The following TPBG variants were observed in gnomAD, a reference collection of about 807,000 sequenced individuals.
TPBG encodes 5T4 oncofetal antigen.
TPBG carries 13 observed loss-of-function variants against 19.3 expected under a neutral mutation model. The ratio of observed to expected loss-of-function variants is 0.67; its 90% confidence interval spans 0.44 to 1.07. The LOEUF is 1.07. TPBG is among the 50% of genes least tolerant of loss of function. The probability of loss-of-function intolerance (pLI) is 0.00; values close to 1 mark genes in which losing one functional copy is unlikely to be tolerated. For synonymous variants in TPBG, 338 were observed against 259.8 expected, an observed-to-expected ratio of 1.30 and a Z score of -2.89; for missense variants, 642 against 559.6, an observed-to-expected ratio of 1.15 and a Z score of -1.49.
Position 82,366,750 on chromosome 6 carries a change from C to A in TPBG, c.*526C>A, listed in dbSNP as rs1767514665. 1 of 167,214 alleles carries A rather than the reference C, an allele frequency of 6.0e-6. No homozygotes were observed. Among genetic ancestry groups the A allele is most frequent in the Non-Finnish European group, 1.5e-5 (1 of 68,220 alleles). The allele number at this position is 167,214 out of a possible 1,614,324, so 10.4% of individuals were successfully genotyped here. ...GCACCTGCATCCAAGAGCATGCTTA[C>A]ATTTTACTGTTCTGCATATTACAAA... is the stretch of plus-strand genomic sequence containing the variant. On this transcript the variant is annotated 3_prime_UTR_variant, in exon 2 of 2. Transcript: ENST00000369750.
chr6:82,363,937 G>C (rs567773533), intron 1 of TPBG, 29 bp downstream of exon 1: 38 of 152,914 alleles, frequency 2.5e-4, no homozygotes, highest in Admixed American at 9.1e-4. Context: ...CGGCCTGGGA[G>C]AGACCCGGGA....
At position 82,365,116 on chromosome 6, in the gene TPBG, T is replaced by G; in HGVS notation, c.155T>G (p.Val52Gly). ...TCGGCGCCGTTCCTGGCTTCCGCCG[T>G]GTCCGCCCAGCCCCCGCTGCCGGAC... The part of the protein sequence containing the change: ...SSSAPFLASA[V>G]SAQPPLPDQC... Residue 52 changes from valine to glycine, a missense_variant, in exon 2 of 2, where the codon GTG (valine) becomes GGG (glycine). Val to Gly is a moderately radical substitution (Grantham distance 109). Coordinates refer to ENST00000369750, the MANE Select transcript of TPBG (RefSeq NM_001376922.1). 1.3e-6 allele frequency: 2 copies of G among 1,593,772 alleles called. No homozygotes were observed. The highest frequency in any genetic ancestry group is 1.7e-6 in the Non-Finnish European group (2 of 1,170,752).
rs780830527 is a variant in TPBG at position 82,365,610 on chromosome 6, C to T, written c.649C>T (p.Leu217=). 1.8e-5 allele frequency: 29 copies of T among 1,602,482 alleles called. No homozygotes were observed. The East Asian group carries it at 5.4e-4, about 30-fold the overall frequency. Residue 217 remains leucine (L), a synonymous_variant, in exon 2 of 2, where the codon CTG becomes TTG. Coordinates refer to ENST00000369750, the MANE Select transcript of TPBG (RefSeq NM_001376922.1). ...RALQGLRRLE[L]ASNHFLYLPR... ...ACTGCAGGGGCTCCGCCGCTTGGAGCTGGCCAGCAACCACTTCCTTTACCT... is the reference window on the plus strand; with the variant it reads ...ACTGCAGGGGCTCCGCCGCTTGGAGTTGGCCAGCAACCACTTCCTTTACCT...
rs747515409 is a variant in TPBG at position 82,364,978 on chromosome 6, C to G, written c.17C>G (p.Ser6Cys). ...CGAGCCGCGATGCCTGGGGGGTGCT[C>G]CCGGGGCCCCGCCGCCGGGGACGGG... is the stretch of plus-strand genomic sequence containing the variant. The part of the protein sequence containing the change: MPGGC[S>C]RGPAAGDGRL... The change falls in exon 2 of 2, where the codon TCC becomes TGC. Residue 6 changes from serine (S) to cysteine (C), a missense_variant. By Grantham distance (112) the Ser-to-Cys change is moderately radical. Coordinates refer to ENST00000369750, the MANE Select transcript of TPBG (RefSeq NM_001376922.1). The G allele has an allele frequency of 2.4e-5, 37 of 1,515,860 alleles. 1 individual carries two copies. The South Asian group carries it at 4.5e-4, about 18-fold the overall frequency. The allele number at this position is 1,515,860 out of a possible 1,614,324, so 93.9% of individuals were successfully genotyped here. A position where few individuals can be genotyped will look rare whatever the true frequency, so the allele number is the denominator to read the frequency against.
Position 82,366,913 on chromosome 6 carries a change from A to G in TPBG, c.*689A>G, listed in dbSNP as rs1337908241. The G allele has an allele frequency of 6.0e-6, 1 of 166,628 alleles. No homozygotes were observed. Among genetic ancestry groups the G allele is most frequent in the Non-Finnish European group, 1.5e-5 (1 of 68,062 alleles). The allele number at this position is 166,628 out of a possible 1,614,324, so 10.3% of individuals were successfully genotyped here. ...CTGAATTGTTAAAAAAAAAAAAAAT[A>G]AAGATTCTTAAAAGAATTACAGTGT... is the stretch of plus-strand genomic sequence containing the variant. On this transcript the variant is annotated 3_prime_UTR_variant, in exon 2 of 2. Coordinates refer to ENST00000369750, the MANE Select transcript of TPBG (RefSeq NM_001376922.1).
At position 82,364,819 on chromosome 6, in the gene TPBG, C is replaced by A; in HGVS notation, c.-143C>A. The A allele has an allele frequency of 1.5e-6, 1 of 686,054 alleles. No individual in the cohort carries two copies. The highest frequency in any genetic ancestry group is 2.2e-6 in the Non-Finnish European group (1 of 459,556). The allele number at this position is 686,054 out of a possible 1,614,324, so 42.5% of individuals were successfully genotyped here. Reference sequence around the variant, plus strand: ...GGCGAGGGGGTTAGCCAAGTTCCGGCTGCGGCGCCACTCCCTCGGTTCCAC... The same window carrying A: ...GGCGAGGGGGTTAGCCAAGTTCCGGATGCGGCGCCACTCCCTCGGTTCCAC... On this transcript the variant is annotated 5_prime_UTR_variant, in exon 2 of 2. The change creates a new upstream start codon in the 5' untranslated region. Transcript: ENST00000369750.
Position 82,365,328 on chromosome 6 carries a change from C to T in TPBG, c.367C>T (p.Leu123Phe). The T allele has an allele frequency of 6.3e-7, 1 of 1,578,068 alleles. No individual in the cohort carries two copies. The highest frequency in any genetic ancestry group is 8.5e-7 in the Non-Finnish European group (1 of 1,169,990). The change falls in exon 2 of 2, where the codon CTC becomes TTC. Residue 123 changes from leucine to phenylalanine, a missense_variant. By Grantham distance (22) the Leu-to-Phe change is conservative. Transcript: ENST00000369750. ...RRPPLAELAA[L>F]NLSGSRLDEV... ...GCCGCCGCTGGCGGAGCTGGCCGCGCTCAACCTCAGCGGCAGCCGCCTGGA... is the reference window on the plus strand; with the variant it reads ...GCCGCCGCTGGCGGAGCTGGCCGCGTTCAACCTCAGCGGCAGCCGCCTGGA...
In TPBG at chr6:82,363,839, A is replaced by G. The variant is rs1767389172; in HGVS notation, c.-409A>G. The G allele has an allele frequency of 6.6e-6, 1 of 152,244 alleles. No individual in the cohort carries two copies. Among genetic ancestry groups the G allele is most frequent in the African/African-American group, 2.4e-5 (1 of 41,364 alleles). The allele number at this position is 152,244 out of a possible 1,614,324, so 9.4% of individuals were successfully genotyped here. A position where few individuals can be genotyped will look rare whatever the true frequency, so the allele number is the denominator to read the frequency against. ...GGTGCGAAGAGAGTCGGCGCCCGCA[A>G]CGCGGAGCCGGGAAGTCGTCGCTAC... On this transcript the variant is annotated 5_prime_UTR_variant, in exon 1 of 2. Coordinates refer to ENST00000369750, the MANE Select transcript of TPBG (RefSeq NM_001376922.1).
rs1767436749 is a variant in TPBG, at chr6:82,364,952, G to A, written c.-10G>A. The A allele has an allele frequency of 6.8e-7, 1 of 1,468,894 alleles. No homozygotes were observed. Among genetic ancestry groups the A allele is most frequent in the Non-Finnish European group, 9.0e-7 (1 of 1,115,050 alleles). The allele number at this position is 1,468,894 out of a possible 1,614,324, so 91.0% of individuals were successfully genotyped here. The stretch of plus-strand genomic sequence containing the variant: ...CGTCCCAGCCCAGCTCCGGGGAAAC[G>A]CGAGCCGCGATGCCTGGGGGGTGCT... On this transcript the variant is annotated 5_prime_UTR_variant, in exon 2 of 2. Transcript: ENST00000369750.
In TPBG at chr6:82,366,146, C is replaced by T. The variant is rs373826198; in HGVS notation, c.1185C>T (p.His395=). 6 of 1,613,832 alleles carry T rather than the reference C, an allele frequency of 3.7e-6. No homozygotes were observed. In the African/African-American group the frequency reaches 8.0e-5, roughly 22 times the overall value. The part of the protein sequence containing the change: ...MHNIRDACRD[H]MEGYHYRYEI... ...ACATCAGAGATGCCTGCAGGGATCACATGGAAGGGTATCATTACAGATATG... is the reference window on the plus strand; with the variant it reads ...ACATCAGAGATGCCTGCAGGGATCATATGGAAGGGTATCATTACAGATATG... Residue 395 remains histidine (H), a synonymous_variant, in exon 2 of 2, where the codon CAC becomes CAT. Transcript: ENST00000369750.
rs2127874162 is a variant in TPBG, at chr6:82,366,737, A to G, written c.*513A>G. 1 of 167,442 alleles carries G rather than the reference A, an allele frequency of 6.0e-6. No individual in the cohort carries two copies. The highest frequency in any genetic ancestry group is 1.5e-5 in the Non-Finnish European group (1 of 68,302). The allele number at this position is 167,442 out of a possible 1,614,324, so 10.4% of individuals were successfully genotyped here. On this transcript the variant is annotated 3_prime_UTR_variant, in exon 2 of 2. Transcript: ENST00000369750. ...ATGGTGCACAGGAGCACCTGCATCC[A>G]AGAGCATGCTTACATTTTACTGTTC...
Position 82,365,781 on chromosome 6 carries a change from C to A in TPBG, c.820C>A (p.His274Asn), listed in dbSNP as rs753517966. Residue 274 changes from histidine (H) to asparagine (N), a missense_variant, in exon 2 of 2, where the codon CAC becomes AAC. Physicochemically the swap from His to Asn is moderately conservative, Grantham distance 68 (BLOSUM62 1). Transcript: ENST00000369750. ...HLEDNALKVL[H>N]NGTLAELQGL... ...GGAGGACAATGCCCTCAAGGTCCTT[C>A]ACAATGGCACCCTGGCTGAGTTGCA... The A allele has an allele frequency of 6.2e-7, 1 of 1,614,200 alleles. No homozygotes were observed. Among genetic ancestry groups the A allele is most frequent in the South Asian group, 1.1e-5 (1 of 91,088 alleles).
In TPBG at chr6:82,364,806, A is replaced by T; in HGVS notation, c.-156A>T. The T allele has an allele frequency of 1.7e-6, 1 of 590,448 alleles. No individual in the cohort carries two copies. Among genetic ancestry groups the T allele is most frequent in the Non-Finnish European group, 2.7e-6 (1 of 374,520 alleles). 36.6% of individuals were successfully genotyped at this position (590,448 alleles called of 1,614,324 possible). The stretch of plus-strand genomic sequence containing the variant: ...GGAAGCGCCCGGTGGCGAGGGGGTT[A>T]GCCAAGTTCCGGCTGCGGCGCCACT... On this transcript the variant is annotated 5_prime_UTR_variant, in exon 2 of 2. Coordinates refer to ENST00000369750, the MANE Select transcript of TPBG (RefSeq NM_001376922.1).
Position 82,365,497 on chromosome 6 carries a change from T to C in TPBG, c.536T>C (p.Ile179Thr). Residue 179 changes from isoleucine (I) to threonine (T), a missense_variant, in exon 2 of 2, where the codon ATC (isoleucine) becomes ACC (threonine). Ile to Thr is a moderately conservative substitution (Grantham distance 89). Transcript: ENST00000369750. ...GCCCCCAGTCCCCTTGTGGAACTGA[T>C]CCTGAACCACATCGTGCCCCCTGAA... ...VSAPSPLVEL[I>T]LNHIVPPEDE... 6.3e-7 allele frequency: 1 copy of C among 1,596,082 alleles called. No homozygotes were observed. Among genetic ancestry groups the C allele is most frequent in the Non-Finnish European group, 8.5e-7 (1 of 1,173,166 alleles).
In TPBG at chr6:82,364,891, T is replaced by TCC. The variant is rs1767432776; in HGVS notation, c.-70_-69dup. On this transcript the variant is annotated 5_prime_UTR_variant, in exon 2 of 2. Transcript: ENST00000369750. Reference sequence around the variant, plus strand: ...CAGACGCTTCCGCCGGCTCGCGCCCTCCGGGCCCAGCCTCCCGAGCCTTCG... The same window carrying TCC: ...CAGACGCTTCCGCCGGCTCGCGCCCTCCCCGGGCCCAGCCTCCCGAGCCTTCG... 7.8e-7 allele frequency: 1 copy of TCC among 1,279,666 alleles called. No homozygotes were observed. 79.3% of individuals were successfully genotyped at this position (1,279,666 alleles called of 1,614,324 possible).
In TPBG at chr6:82,365,585, A is replaced by G; in HGVS notation, c.624A>G (p.Ala208=). 1.3e-6 allele frequency: 2 copies of G among 1,593,870 alleles called. No homozygotes were observed. Among genetic ancestry groups the G allele is most frequent in the Non-Finnish European group, 1.7e-6 (2 of 1,170,620 alleles). ...TGGCGGCCCTGCTGGCGGGCCGTGC[A>G]CTGCAGGGGCTCCGCCGCTTGGAGC... ...MVVAALLAGR[A]LQGLRRLELA... Residue 208 remains alanine (A), a synonymous_variant, in exon 2 of 2, where the codon GCA becomes GCG. Transcript: ENST00000369750.
At position 82,364,815 on chromosome 6, in the gene TPBG, C is replaced by T; in HGVS notation, c.-147C>T. 1.5e-6 allele frequency: 1 copy of T among 663,362 alleles called. No individual in the cohort carries two copies. The highest frequency in any genetic ancestry group is 2.3e-6 in the Non-Finnish European group (1 of 439,118). The allele number at this position is 663,362 out of a possible 1,614,324, so 41.1% of individuals were successfully genotyped here. ...CGGTGGCGAGGGGGTTAGCCAAGTT[C>T]CGGCTGCGGCGCCACTCCCTCGGTT... On this transcript the variant is annotated 5_prime_UTR_variant, in exon 2 of 2. Transcript: ENST00000369750.
rs144441858 is a variant in TPBG, at chr6:82,365,872, A to G, written c.911A>G (p.Asp304Gly). 78 of 1,614,084 alleles carry G rather than the reference A, an allele frequency of 4.8e-5. No individual in the cohort carries two copies. Among genetic ancestry groups the G allele is most frequent in the Non-Finnish European group, 5.8e-5 (68 of 1,180,044 alleles). The change falls in exon 2 of 2, where the codon GAC (aspartate) becomes GGC (glycine). Residue 304 changes from aspartate (D) to glycine (G), a missense_variant. Coordinates refer to ENST00000369750, the MANE Select transcript of TPBG (RefSeq NM_001376922.1). ...NPWVCDCHMA[D>G]MVTWLKETEV... ...TGGGTCTGCGACTGCCACATGGCAG[A>G]CATGGTGACCTGGCTCAAGGAAACA...
rs771416798 is a variant in TPBG, at chr6:82,365,462, C to A, written c.501C>A (p.Ala167=). The A allele has an allele frequency of 1.2e-6, 2 of 1,610,436 alleles. No individual in the cohort carries two copies. Among genetic ancestry groups the A allele is most frequent in the South Asian group, 2.2e-5 (2 of 90,538 alleles). The part of the protein sequence containing the change: ...LSPFAFSGSN[A]SVSAPSPLVE... ...CCTTCGCTTTCTCGGGCAGCAATGC[C>A]AGCGTCTCGGCCCCCAGTCCCCTTG... The change falls in exon 2 of 2, where the codon GCC becomes GCA. Residue 167 remains alanine (A), a synonymous_variant. Transcript: ENST00000369750.
Sources: allele counts gnomAD v4.1 joint callset, GRCh38; gene constraint gnomAD v4.1.1; transcripts MANE v1.5; gene names NCBI Gene and HGNC (gene_info 2026-07-23, HGNC 2026-07-21).